The following ADAMTS3 variants were observed in gnomAD, a reference collection of about 807,000 sequenced individuals.
ADAMTS3 encodes the protein ADAM metallopeptidase with thrombospondin type 1 motif 3, also known as A disintegrin and metalloproteinase with thrombospondin motifs 3.
A neutral mutation model predicts 129.0 loss-of-function variants in ADAMTS3; 73 were observed. The ratio of observed to expected loss-of-function variants is 0.57; its 90% CI spans 0.47 to 0.69. The LOEUF (loss-of-function observed/expected upper bound fraction) is 0.69. Ranked by LOEUF, ADAMTS3 falls within the 30% of genes least tolerant of loss-of-function variation. The probability of loss-of-function intolerance (pLI) is 0.00; values close to 1 mark genes in which losing one functional copy is unlikely to be tolerated. For synonymous variants in ADAMTS3, 477 were observed against 510.8 expected (o/e 0.93, Z 0.89); for missense variants, 1,457 against 1,514.5 (o/e 0.96, Z 0.63).
At chr4:72,537,531 G>A (rs762135563) in intron 3 of ADAMTS3, among the ~76,000 whole-genome samples, 2 of 152,200 alleles carry the variant, frequency 1.3e-5, no homozygotes, top group African/African-American at 2.4e-5. Flanking sequence ...CACAGGCTCA[G>A]AAAAGACCTG....
intron 4 of ADAMTS3, 79 bp downstream of exon 4, chr4:72,414,736 T>G: frequency 9.0e-7 from 1 of 1,112,314 alleles, no homozygotes; most frequent in Non-Finnish European, 1.2e-6. Flanking sequence ...GGCAATCACA[T>G]TCTCTTACTT....
chr4:72,461,022 T>C (rs1041486595), intron 3 of ADAMTS3, among the ~76,000 whole-genome samples: 4 of 151,622 alleles, frequency 2.6e-5, no homozygotes, highest in African/African-American at 9.7e-5. Context: ...GTCAATTAAG[T>C]TTAACAAACA....
At chr4:72,516,525 G>A (rs941462030) in intron 3 of ADAMTS3, among the ~76,000 whole-genome samples, 13 of 152,108 alleles carry the variant, frequency 8.5e-5, no homozygotes, top group African/African-American at 2.7e-4. Context: ...GCAGTGGTTT[G>A]TCGTTCTCCT....
intron 3 of ADAMTS3, among the ~76,000 whole-genome samples, chr4:72,470,709 G>T (rs1217252574): frequency 6.6e-6 from 1 of 151,952 alleles, no homozygotes; most frequent in Non-Finnish European, 1.5e-5. Flanking sequence ...AAAGGCAATG[G>T]TGAGTTAAAC....
chr4:72,469,028 AAT>A, intron 3 of ADAMTS3, among the ~76,000 whole-genome samples: 1 of 152,090 alleles, frequency 6.6e-6, no homozygotes, highest in Non-Finnish European at 1.5e-5. Context: ...TATGATTATA[AAT>A]CATACTACAA....
intron 3 of ADAMTS3, among the ~76,000 whole-genome samples, chr4:72,417,931 TC>T (rs1206952124): frequency 9.9e-6 from 1 of 100,680 alleles, no homozygotes; most frequent in South Asian, 4.2e-4. Flanking sequence ...AGACTCCATC[TC>T]AAAAAAAAAA....
chr4:72,474,802 G>A (rs1204117637), intron 3 of ADAMTS3, among the ~76,000 whole-genome samples: 6 of 151,914 alleles, frequency 3.9e-5, no homozygotes, highest in South Asian at 2.1e-4. Context: ...CGAGGCGGGT[G>A]GATCACGAGG....
At chr4:72,522,476 A>T (rs748207397) in intron 3 of ADAMTS3, among the ~76,000 whole-genome samples, 3 of 152,192 alleles carry the variant, frequency 2.0e-5, no homozygotes, top group Non-Finnish European at 2.9e-5. Context: ...TTGAGGACAC[A>T]TTCACAGAAA....
At chr4:72,520,324 C>A (rs901948839) in intron 3 of ADAMTS3, among the ~76,000 whole-genome samples, 1 of 152,232 alleles carries the variant, frequency 6.6e-6, no homozygotes, top group African/African-American at 2.4e-5. Flanking sequence ...TCTGCTTGTT[C>A]TCAGATCTCC....
At chr4:72,405,961 G>T (rs1270579602) in intron 4 of ADAMTS3, among the ~76,000 whole-genome samples, 1 of 152,144 alleles carries the variant, frequency 6.6e-6, no homozygotes, top group Non-Finnish European at 1.5e-5. Flanking sequence ...GATTCTGGAA[G>T]AACACTTTAT....
Position 72,283,741 on chromosome 4 carries a change from T to G in ADAMTS3, c.3050-37A>C, listed in dbSNP as rs752191723. 2.0e-6 allele frequency: 3 copies of G among 1,478,786 alleles called. No individual in the cohort carries two copies. The East Asian group carries it at 6.9e-5, about 34-fold the overall frequency. The allele number at this position is 1,478,786 out of a possible 1,614,324, so 91.6% of individuals were successfully genotyped here. ...AAAAGAAAATAAACTAACACTAGCATCTAAACATAAAATAAAAGGAGGAAA... is the reference window on the plus strand; with the variant it reads ...AAAAGAAAATAAACTAACACTAGCAGCTAAACATAAAATAAAAGGAGGAAA... On this transcript the variant is annotated intron_variant, in intron 21 of 21. Coordinates refer to ENST00000286657, the MANE Select transcript of ADAMTS3 (RefSeq NM_014243.3).
In ADAMTS3 at chr4:72,568,920, A is replaced by C. The variant is rs1016725715; in HGVS notation, c.-158T>G. ...TCTGTGCTTTGCTTCAATGAAAATG[A>C]AATTTGAGCTCTGAGACTGGCCCCC... On this transcript the variant is annotated 5_prime_UTR_variant, in exon 1 of 22. Coordinates refer to ENST00000286657, the MANE Select transcript of ADAMTS3 (RefSeq NM_014243.3). 2 of 648,296 alleles carry C rather than the reference A, an allele frequency of 3.1e-6. No individual in the cohort carries two copies. Among genetic ancestry groups the C allele is most frequent in the African/African-American group, 1.8e-5 (1 of 54,280 alleles). The allele number at this position is 648,296 out of a possible 1,614,324, so 40.2% of individuals were successfully genotyped here.
chr4:72,515,594 G>C (rs993835092), intron 3 of ADAMTS3, among the ~76,000 whole-genome samples: 1 of 150,186 alleles, frequency 6.7e-6, no homozygotes, highest in Non-Finnish European at 1.5e-5. Flanking sequence ...CAGTGATGAT[G>C]AGCATTTTTT....
At chr4:72,377,311 A>G (rs577170278) in intron 4 of ADAMTS3, among the ~76,000 whole-genome samples, 81 of 152,258 alleles carry the variant, frequency 5.3e-4, no homozygotes, top group Non-Finnish European at 1.0e-3. Flanking sequence ...CAAATCCTGG[A>G]CTTAGCAGTC....
intron 4 of ADAMTS3, among the ~76,000 whole-genome samples, chr4:72,391,895 C>G (rs1374893508): frequency 6.6e-6 from 1 of 152,194 alleles, no homozygotes; most frequent in Non-Finnish European, 1.5e-5. Flanking sequence ...AACCTACAAT[C>G]TGATTTTAAG....
At chr4:72,510,221 G>A (rs974321367) in intron 3 of ADAMTS3, among the ~76,000 whole-genome samples, 2 of 151,934 alleles carry the variant, frequency 1.3e-5, no homozygotes, top group Non-Finnish European at 2.9e-5. Context: ...AAATGAAAAG[G>A]CTGCCCACTG....
In ADAMTS3 at chr4:72,298,267, C is replaced by T; in HGVS notation, c.2590+10G>A. 6.2e-7 allele frequency: 1 copy of T among 1,609,318 alleles called. No individual in the cohort carries two copies. Among genetic ancestry groups the T allele is most frequent in the Non-Finnish European group, 8.5e-7 (1 of 1,177,316 alleles). ...TACATTTTAATATAATAAATGTGTT[C>T]AATGGTTACCTCCACCACAGGGTTT... is the stretch of plus-strand genomic sequence containing the variant. On this transcript the variant is annotated intron_variant, in intron 18 of 21. Transcript: ENST00000286657.
At chr4:72,354,132 T>G (rs1269475982) in intron 4 of ADAMTS3, among the ~76,000 whole-genome samples, 3 of 152,044 alleles carry the variant, frequency 2.0e-5, no homozygotes, top group Non-Finnish European at 4.4e-5. Flanking sequence ...ATCAGGTGCT[T>G]CCAAGTAACA....
chr4:72,514,864 T>C (rs1384058281), intron 3 of ADAMTS3, among the ~76,000 whole-genome samples: 1 of 152,182 alleles, frequency 6.6e-6, no homozygotes, highest in African/African-American at 2.4e-5. Flanking sequence ...CTTTAAGTTT[T>C]AGGGTACATG....
Sources: gnomAD v4.1 joint callset for allele counts (sites outside exome capture counted in the v4.1 genomes callset) on GRCh38, gnomAD v4.1.1 for gene constraint, MANE v1.5 for transcripts, NCBI Gene and HGNC (gene_info 2026-07-23, HGNC 2026-07-21) for gene names.